The following GRID2 variants were observed in gnomAD, a reference collection of about 807,000 sequenced individuals.
GRID2 encodes glutamate receptor ionotropic, delta-2.
GRID2 carries 33 observed loss-of-function variants against 114.8 expected under a neutral mutation model. The ratio of observed to expected loss-of-function variants is 0.29; its 90% CI spans 0.22 to 0.38. GRID2 has a LOEUF of 0.38. Among genes scored for constraint, GRID2 ranks in the 10% least tolerant of loss-of-function variants. The pLI is 1.00. For missense variants in GRID2, 1,184 were observed against 1,257.7 expected, an observed-to-expected ratio of 0.94 and a Z score of 0.89; for synonymous variants, 505 against 449.9, an observed-to-expected ratio of 1.12 and a Z score of -1.55.
At chr4:92,709,069 C>T (rs1735089559) in intron 2 of GRID2, among the ~76,000 whole-genome samples, 2 of 152,118 alleles carry the variant, frequency 1.3e-5, no homozygotes, top group Non-Finnish European at 1.5e-5. Context: ...GAGTCCTGTA[C>T]ATCATGGGCC....
chr4:93,081,180 T>A (rs1729833194), intron 2 of GRID2, among the ~76,000 whole-genome samples: 1 of 152,066 alleles, frequency 6.6e-6, no homozygotes, highest in Non-Finnish European at 1.5e-5. Flanking sequence ...CGGAGGAAGT[T>A]ATATCGGGAC....
intron 14 of GRID2, among the ~76,000 whole-genome samples, chr4:93,677,443 C>G (rs1725004364): frequency 6.6e-6 from 1 of 152,186 alleles, no homozygotes. Flanking sequence ...TCCCAGCACG[C>G]AGCTGGAGAT....
At chr4:93,750,649 G>T (rs557129775) in intron 14 of GRID2, among the ~76,000 whole-genome samples, 2 of 151,984 alleles carry the variant, frequency 1.3e-5, no homozygotes, top group Non-Finnish European at 2.9e-5. Context: ...TCAGCTACTC[G>T]GGAGGCTGAG....
intron 4 of GRID2, among the ~76,000 whole-genome samples, chr4:93,156,178 G>A (rs1737169519): frequency 6.6e-6 from 1 of 151,448 alleles, no homozygotes; most frequent in Non-Finnish European, 1.5e-5. Flanking sequence ...AACAGTGCCT[G>A]GAACACAGTG....
chr4:93,461,621 C>A (rs1723749573), intron 11 of GRID2, among the ~76,000 whole-genome samples: 2 of 152,088 alleles, frequency 1.3e-5, no homozygotes, highest in Non-Finnish European at 2.9e-5. Context: ...TTTAAAAAAT[C>A]TGTAACTTCA....
At chr4:93,247,065 C>T (rs1419908968) in intron 8 of GRID2, among the ~76,000 whole-genome samples, 1 of 152,152 alleles carries the variant, frequency 6.6e-6, no homozygotes, top group African/African-American at 2.4e-5. Context: ...TTCACTGCCT[C>T]TTGGAGAGAA....
At chr4:92,868,309 A>C (rs1371333882) in intron 2 of GRID2, among the ~76,000 whole-genome samples, 1 of 152,016 alleles carries the variant, frequency 6.6e-6, no homozygotes. Flanking sequence ...ATTATTTGAA[A>C]AACAAAATAC....
chr4:93,253,286 C>A (rs1470493683), intron 8 of GRID2, among the ~76,000 whole-genome samples: 5 of 151,744 alleles, frequency 3.3e-5, no homozygotes, highest in Admixed American at 2.6e-4. Context: ...AAACTCAGTT[C>A]TTACCATAAC....
chr4:93,608,285 TA>T (rs1256843345), intron 13 of GRID2, among the ~76,000 whole-genome samples: 4,653 of 116,412 alleles, frequency 0.04, 88 homozygotes, highest in South Asian at 0.076. Context: ...AACTGAAAAT[TA>T]TTTTTTTTTC....
intron 5 of GRID2, among the ~76,000 whole-genome samples, 191 bp from the exon 6 acceptor site, chr4:93,216,547 T>C (rs1046560962): frequency 4.6e-5 from 7 of 152,166 alleles, no homozygotes; most frequent in African/African-American, 1.7e-4. Flanking sequence ...ATTTAAAGCA[T>C]AGAAAGCAAC....
intron 1 of GRID2, among the ~76,000 whole-genome samples, chr4:92,411,236 C>T (rs1731283985): frequency 6.6e-6 from 1 of 152,028 alleles, no homozygotes; most frequent in Non-Finnish European, 1.5e-5. Context: ...CATTTGACAC[C>T]TTACTTCTCC....
chr4:92,910,661 C>T (rs1334914989), intron 2 of GRID2, among the ~76,000 whole-genome samples: 1 of 151,896 alleles, frequency 6.6e-6, no homozygotes, highest in East Asian at 1.9e-4. Flanking sequence ...ATTTGGTATC[C>T]TTGGGGGACT....
chr4:93,667,925 A>G (rs924257191), intron 14 of GRID2, among the ~76,000 whole-genome samples: 9 of 152,040 alleles, frequency 5.9e-5, no homozygotes, highest in African/African-American at 2.2e-4. Context: ...GAAATTTAAA[A>G]GAAGTGGCAT....
intron 3 of GRID2, among the ~76,000 whole-genome samples, chr4:93,096,138 C>T (rs1731210416): frequency 6.6e-6 from 1 of 151,932 alleles, no homozygotes; most frequent in Admixed American, 6.6e-5. Context: ...AGCAACATTG[C>T]TGAACCAATT....
intron 1 of GRID2, among the ~76,000 whole-genome samples, chr4:92,457,852 C>G (rs1721293187): frequency 6.6e-6 from 1 of 152,172 alleles, no homozygotes; most frequent in Non-Finnish European, 1.5e-5. Context: ...TTGTGTAGCA[C>G]TCTTGCACCT....
At chr4:93,419,835 T>C (rs1284408912) in intron 9 of GRID2, among the ~76,000 whole-genome samples, 6 of 152,118 alleles carry the variant, frequency 3.9e-5, no homozygotes, top group Admixed American at 3.9e-4. Context: ...AATATAACCA[T>C]TTAGTACACT....
intron 1 of GRID2, among the ~76,000 whole-genome samples, chr4:93,784,124 A>G (rs1734543664): frequency 6.8e-6 from 1 of 147,158 alleles, no homozygotes; most frequent in South Asian, 2.2e-4. Flanking sequence ...GTCCACTCGC[A>G]TAAAGCTTTA....
intron 10 of GRID2, among the ~76,000 whole-genome samples, chr4:93,446,667 G>A (rs1722121873): frequency 6.6e-6 from 1 of 151,944 alleles, no homozygotes; most frequent in Non-Finnish European, 1.5e-5. Context: ...GCTTGAAACA[G>A]ACTCCAGCAA....
intron 1 of GRID2, 27 bp downstream of exon 1, chr4:92,304,771 GT>G: frequency 6.6e-7 from 1 of 1,507,054 alleles, no homozygotes; most frequent in Non-Finnish European, 9.2e-7. Context: ...GCAGCTCGTG[GT>G]TACTTTTACC....
Sources: allele counts gnomAD v4.1 joint callset (sites outside exome capture counted in the v4.1 genomes callset), GRCh38; gene constraint gnomAD v4.1.1; transcripts MANE v1.5; gene names NCBI Gene and HGNC (gene_info 2026-07-23, HGNC 2026-07-21).